Variants in RTN4 observed in about 807,000 individuals in gnomAD.
RTN4 encodes the protein reticulon-4.
Under a neutral mutation model 90.4 loss-of-function variants are expected in RTN4, and 32 were observed. That is an observed-to-expected ratio of 0.35 (90% CI 0.27 to 0.48). RTN4 has a LOEUF of 0.48. Among genes scored for constraint, RTN4 ranks in the 20% least tolerant of loss-of-function variants. The pLI, the probability that RTN4 is intolerant of heterozygous loss-of-function variation, is 0.99. For synonymous variants in RTN4, 629 were observed against 552.5 expected (o/e 1.14, Z -1.94); for missense variants, 1,706 against 1,430.2 (o/e 1.19, Z -3.11).
At chr2:55,068,034 A>G (rs1668424217) in intron 2 of RTN4, among the ~76,000 whole-genome samples, 1 of 152,218 alleles carries the variant, frequency 6.6e-6, no homozygotes, top group Admixed American at 6.6e-5. Flanking sequence ...TTCTGCATTC[A>G]ATCTGTTGAA....
intron 1 of RTN4, among the ~76,000 whole-genome samples, chr2:55,106,186 C>T (rs1667940215): frequency 6.6e-6 from 1 of 152,036 alleles, no homozygotes. Context: ...TTCTAAATAG[C>T]TCACCTATTT....
chr2:55,031,689 A>G (rs1682327928), intron 1 of RTN4, among the ~76,000 whole-genome samples: 1 of 152,240 alleles, frequency 6.6e-6, no homozygotes, highest in Non-Finnish European at 1.5e-5. Context: ...ACCAAGAGTC[A>G]GCAAACCATG....
In RTN4 at chr2:55,077,756, T is replaced by TACATACACACAC. The variant is rs1437928874; in HGVS notation, c.-63+2732_-63+2733insGTGTGTGTATGT. Among the ~76,000 whole-genome samples, 3 of 144,350 alleles carry TACATACACACAC rather than the reference T, an allele frequency of 2.1e-5. No homozygotes were observed. The East Asian group carries it at 6.2e-4, about 30-fold the overall frequency. The allele number at this position is 144,350 out of a possible 152,430, so 94.7% of individuals were successfully genotyped here. A position where few individuals can be genotyped will look rare whatever the true frequency, so the allele number is the denominator to read the frequency against. On this transcript the variant is annotated intron_variant, in intron 2 of 3. Coordinates refer to the RTN4 transcript ENST00000427710. ...ACAAGTGGATAAAGAAAATGTTTTA[T>TACATACACACAC]ACACACACACACACACACACACACA... is the stretch of plus-strand genomic sequence containing the variant.
At chr2:55,121,805 G>A in the RTN4 span, among the ~76,000 whole-genome samples, 1 of 152,004 alleles carries the variant, frequency 6.6e-6, no homozygotes, top group Non-Finnish European at 1.5e-5. Context: ...ATGCCAAAAT[G>A]TAAATATTTA....
At chr2:55,053,665 G>A (rs1183823579), upstream of RTN4, among the ~76,000 whole-genome samples, 6 of 140,596 alleles carry the variant, frequency 4.3e-5, no homozygotes, top group African/African-American at 1.6e-4. Flanking sequence ...CAGCCTGGGT[G>A]AAAAGAGCGA....
intron 2 of RTN4, among the ~76,000 whole-genome samples, chr2:55,058,194 C>G (rs1668223139): frequency 6.6e-6 from 1 of 152,140 alleles, no homozygotes; most frequent in South Asian, 2.1e-4. Context: ...TTATTATTAT[C>G]ATTTCCTTAT....
chr2:55,100,783 T>G (rs1291061982), intron 1 of RTN4, among the ~76,000 whole-genome samples: 1 of 152,148 alleles, frequency 6.6e-6, no homozygotes, highest in Non-Finnish European at 1.5e-5. Flanking sequence ...GGCTAGAAAT[T>G]CTCAGGATGC....
chr2:55,080,161 T>C (rs1271540965), intron 2 of RTN4, among the ~76,000 whole-genome samples: 2 of 152,076 alleles, frequency 1.3e-5, no homozygotes, highest in Non-Finnish European at 2.9e-5. Flanking sequence ...AGACTACAGG[T>C]ACACACCACC....
intron 3 of RTN4, among the ~76,000 whole-genome samples, chr2:55,017,356 A>T (rs563291218): frequency 7.2e-5 from 11 of 152,350 alleles, no homozygotes; most frequent in Admixed American, 6.5e-4. Context: ...CTTATTCATG[A>T]ACATATATAA....
chr2:54,982,544 A>C lies in RTN4; in HGVS notation c.3331T>G (p.Leu1111Val). 1 of 1,612,814 alleles carries C rather than the reference A, an allele frequency of 6.2e-7. No individual in the cohort carries two copies. ...CTIKELRRLF[L>V]VDDLVDSLKF... ...AGAGAATCAACTAAATCATCAACTAAGAAGAGGCGCCTGAGTTCCTTTATC... is the reference window on the plus strand; with the variant it reads ...AGAGAATCAACTAAATCATCAACTACGAAGAGGCGCCTGAGTTCCTTTATC... Residue 1111 changes from leucine (L) to valine (V), a missense_variant, in exon 5 of 9, where the codon TTA becomes GTA. By Grantham distance (32) the Leu-to-Val change is conservative. Coordinates refer to ENST00000337526, the MANE Select transcript of RTN4 (RefSeq NM_020532.5).
In RTN4 at chr2:54,994,915, TC is replaced by T. The variant is rs1679296505; in HGVS notation, c.3014-7218del. On this transcript the variant is annotated intron_variant, in intron 3 of 8. Coordinates refer to ENST00000337526, the MANE Select transcript of RTN4 (RefSeq NM_020532.5). Reference sequence around the variant, plus strand: ...AATTTATATAAACAAGACTTCATTTTCTATGGCATATTTCTGGTCACAAAAA... The same window carrying T: ...AATTTATATAAACAAGACTTCATTTTTATGGCATATTTCTGGTCACAAAAA... Among the ~76,000 whole-genome samples the T allele has an allele frequency of 2.0e-5, 3 of 152,232 alleles. No individual in the cohort carries two copies. In the South Asian group the frequency reaches 6.2e-4, roughly 32 times the overall value.
rs138337860 is a variant in RTN4 at position 55,002,806 on chromosome 2, T to C, written c.3014-15108A>G. ...ACGATTTTTCAATTGTAAAGAATGT[T>C]AAAATGAGAACTTCTCCTATGACAA... On this transcript the variant is annotated intron_variant, in intron 3 of 8. Coordinates refer to ENST00000337526, the MANE Select transcript of RTN4 (RefSeq NM_020532.5). 1.8e-3 allele frequency among the ~76,000 whole-genome samples: 271 copies of C among 152,320 alleles called. 4 individuals are homozygous for C. In the East Asian group the frequency reaches 0.042, roughly 23 times the overall value.
At chr2:55,067,728 A>G (rs1464100154) in intron 2 of RTN4, among the ~76,000 whole-genome samples, 1 of 152,094 alleles carries the variant, frequency 6.6e-6, no homozygotes, top group Non-Finnish European at 1.5e-5. Context: ...ATTGTAATTT[A>G]TATTCTTCTA....
intron 2 of RTN4, among the ~76,000 whole-genome samples, chr2:55,075,806 T>C (rs1476729027): frequency 6.6e-6 from 1 of 152,154 alleles, no homozygotes; most frequent in Non-Finnish European, 1.5e-5. Flanking sequence ...AGTCAACTGA[T>C]CTCTGACAAA....
In RTN4 at chr2:55,027,164, G is replaced by C. The variant is rs560144130; in HGVS notation, c.935C>G (p.Ser312Cys). 2 of 1,613,490 alleles carry C rather than the reference G, an allele frequency of 1.2e-6. No homozygotes were observed. Among genetic ancestry groups the C allele is most frequent in the African/African-American group, 1.3e-5 (1 of 74,896 alleles). ...SSFSVSPKAE[S>C]AVIVANPREE... ...CCTAGGATTTGCTACTATTACGGCA[G>C]ATTCTGCTTTTGGAGAGACACTGAA... Residue 312 changes from serine (S) to cysteine (C), a missense_variant, in exon 3 of 9, where the codon TCT (serine) becomes TGT (cysteine). Transcript: ENST00000337526.
At position 54,987,568 on chromosome 2, in the gene RTN4, G is replaced by C. The variant is rs745362288; in HGVS notation, c.3144C>G (p.Leu1048=). The C allele has an allele frequency of 1.2e-6, 2 of 1,614,162 alleles. No individual in the cohort carries two copies. The highest frequency in any genetic ancestry group is 1.1e-5 in the South Asian group (1 of 91,088). The change falls in exon 4 of 9, where the codon CTC becomes CTG. Residue 1048 remains leucine, a synonymous_variant. Coordinates refer to ENST00000337526, the MANE Select transcript of RTN4 (RefSeq NM_020532.5). ...SVTAYIALAL[L]SVTISFRIYK... ...ATATCCTAAAGCTGATGGTCACAGAGAGCAGGGCCAAGGCAATGTAGGCTG... is the reference window on the plus strand; with the variant it reads ...ATATCCTAAAGCTGATGGTCACAGACAGCAGGGCCAAGGCAATGTAGGCTG...
At chr2:55,097,682 A>G (rs1667769397) in intron 1 of RTN4, among the ~76,000 whole-genome samples, 1 of 152,150 alleles carries the variant, frequency 6.6e-6, no homozygotes, top group African/African-American at 2.4e-5. Flanking sequence ...AACATTGGGA[A>G]TATGAGAGAC....
intron 1 of RTN4, among the ~76,000 whole-genome samples, chr2:55,094,457 C>G (rs1668997471): frequency 6.6e-6 from 1 of 152,206 alleles, no homozygotes; most frequent in South Asian, 2.1e-4. Context: ...ACTCTGGGTA[C>G]TGTTGCGCAG....
chr2:55,004,412 A>G (rs548306566), intron 3 of RTN4, among the ~76,000 whole-genome samples: 2 of 152,268 alleles, frequency 1.3e-5, no homozygotes, highest in African/African-American at 4.8e-5. Flanking sequence ...GGCCTGACAA[A>G]TATTTAAATC....
Sources: allele counts gnomAD v4.1 joint callset (sites outside exome capture counted in the v4.1 genomes callset), GRCh38; gene constraint gnomAD v4.1.1; transcripts MANE v1.5; gene names NCBI Gene and HGNC (gene_info 2026-07-23, HGNC 2026-07-21).